The following CNIH3 variants were observed in gnomAD, a reference collection of about 807,000 sequenced individuals.
CNIH3 encodes the protein protein cornichon homolog 3.
In CNIH3, 14 loss-of-function variants were observed where a neutral mutation model predicts 24.1. The ratio of observed to expected loss-of-function variants is 0.58; its 90% CI spans 0.38 to 0.91. CNIH3 has a LOEUF of 0.91. Among genes scored for constraint, CNIH3 ranks in the 40% least tolerant of loss-of-function variants. The probability of loss-of-function intolerance (pLI) is 0.00; values close to 1 mark genes in which losing one functional copy is unlikely to be tolerated. For synonymous variants in CNIH3, 68 were observed against 73.8 expected, an observed-to-expected ratio of 0.92 and a Z score of 0.40; for missense variants, 178 against 196.8, an observed-to-expected ratio of 0.90 and a Z score of 0.57.
intron 3 of CNIH3, among the ~76,000 whole-genome samples, chr1:224,556,800 C>T (rs1012917869): frequency 3.3e-5 from 5 of 152,288 alleles, no homozygotes; most frequent in East Asian, 1.9e-4. Flanking sequence ...CGCCACGGAC[C>T]GGTACCAGTC....
chr1:224,732,833 G>A (rs1300984673), intron 4 of CNIH3, among the ~76,000 whole-genome samples: 1 of 152,172 alleles, frequency 6.6e-6, no homozygotes, highest in East Asian at 1.9e-4. Context: ...TCTCTATGGA[G>A]GAAGGGAGGG....
chr1:224,546,636 A>G (rs1679714807), intron 2 of CNIH3, among the ~76,000 whole-genome samples: 1 of 152,166 alleles, frequency 6.6e-6, no homozygotes, highest in Admixed American at 6.5e-5. Context: ...GCAAATTTAT[A>G]ATCATGGGTC....
upstream of CNIH3, among the ~76,000 whole-genome samples, chr1:224,512,580 A>G (rs575185245): frequency 1.1e-4 from 16 of 152,262 alleles, no homozygotes; most frequent in Middle Eastern, 9.5e-3. Context: ...TTTTACATTT[A>G]ACAATTTTTA....
At chr1:224,537,237 C>T (rs1679322908), downstream of CNIH3, 1 of 152,204 alleles carries the variant, frequency 6.6e-6, no homozygotes. Context: ...AAGTTGATAG[C>T]TGATCTTCAC....
At chr1:224,619,274 A>G (rs9919286) in intron 1 of CNIH3, among the ~76,000 whole-genome samples, 16,417 of 152,250 alleles carry the variant, frequency 0.11, 983 homozygotes, top group South Asian at 0.25. Flanking sequence ...TGACATTTGA[A>G]TGAAAATCAG....
At chr1:224,737,621 C>A (rs1471416518) in intron 5 of CNIH3, among the ~76,000 whole-genome samples, 4 of 152,124 alleles carry the variant, frequency 2.6e-5, no homozygotes, top group African/African-American at 9.7e-5. Flanking sequence ...GTATGCAGAG[C>A]CATGTCTGAA....
intron 1 of CNIH3, among the ~76,000 whole-genome samples, chr1:224,495,058 T>C (rs1677379580): frequency 6.6e-6 from 1 of 152,000 alleles, no homozygotes; most frequent in Non-Finnish European, 1.5e-5. Flanking sequence ...ACACACACAC[T>C]CTCTACCAGT....
intron 1 of CNIH3, among the ~76,000 whole-genome samples, chr1:224,632,242 G>A (rs1314313134): frequency 6.6e-6 from 1 of 152,190 alleles, no homozygotes; most frequent in South Asian, 2.1e-4. Context: ...ACATATCCGG[G>A]CCTCTATGTC....
At position 224,459,881 on chromosome 1, in the gene CNIH3, AT is replaced by A. The variant is rs3065475; in HGVS notation, n.203+25035del. ...GGGTTGTTAGAGTCATGGAACCCCT[AT>A]TTTTTTTTTTTTTTTGACCGGGTCT... On this transcript the variant is annotated intron_variant and non_coding_transcript_variant, in intron 1 of 5. Transcript: ENST00000471578. 3.5e-3 allele frequency among the ~76,000 whole-genome samples: 475 copies of A among 136,104 alleles called. 1 individual carries two copies. The highest frequency in any genetic ancestry group is 0.012 in the African/African-American group (421 of 36,152). The allele number at this position is 136,104 out of a possible 152,430, so 89.3% of individuals were successfully genotyped here. A position where few individuals can be genotyped will look rare whatever the true frequency, so the allele number is the denominator to read the frequency against.
At chr1:224,679,968 C>T (rs1448271793) in intron 1 of CNIH3, among the ~76,000 whole-genome samples, 1 of 151,824 alleles carries the variant, frequency 6.6e-6, no homozygotes, top group African/African-American at 2.4e-5. Flanking sequence ...GCCACTATAC[C>T]CAGCTAATTT....
chr1:224,716,434 T>C (rs568464606), intron 3 of CNIH3, among the ~76,000 whole-genome samples: 11 of 152,294 alleles, frequency 7.2e-5, no homozygotes, highest in African/African-American at 2.6e-4. Context: ...GGACCCAGTA[T>C]ATAATAAATG....
chr1:224,572,069 G>C (rs929538595), intron 4 of CNIH3, among the ~76,000 whole-genome samples: 5 of 152,162 alleles, frequency 3.3e-5, no homozygotes, highest in African/African-American at 1.2e-4. Flanking sequence ...GTCGCCAGGA[G>C]GTGGTTGTAT....
chr1:224,536,978 T>C (rs1679311228), exon 3 of CNIH3: 1 of 152,158 alleles, frequency 6.6e-6, no homozygotes, highest in Admixed American at 6.5e-5. Flanking sequence ...GAGCAAAGGA[T>C]GGTCGCATCT....
chr1:224,494,655 C>T (rs1677362723), intron 1 of CNIH3, among the ~76,000 whole-genome samples: 1 of 152,104 alleles, frequency 6.6e-6, no homozygotes, highest in African/African-American at 2.4e-5. Context: ...GTTCCTTTTG[C>T]AGCCACTTTA....
At chr1:224,702,729 C>G (rs1317111500) in intron 3 of CNIH3, among the ~76,000 whole-genome samples, 1 of 152,222 alleles carries the variant, frequency 6.6e-6, no homozygotes, top group East Asian at 1.9e-4. Flanking sequence ...CAAGGGGGCA[C>G]AGACCGTGGT....
intron 1 of CNIH3, among the ~76,000 whole-genome samples, chr1:224,479,686 G>A (rs1275660418): frequency 1.3e-5 from 2 of 152,246 alleles, no homozygotes; most frequent in African/African-American, 4.8e-5. Context: ...CAGCAGGGCA[G>A]TCAAATCTTA....
chr1:224,606,442 G>C (rs1039778919), intron 3 of CNIH3, among the ~76,000 whole-genome samples: 1 of 152,084 alleles, frequency 6.6e-6, no homozygotes, highest in Admixed American at 6.5e-5. Flanking sequence ...GTTCCCAGTC[G>C]AACTCCTCTC....
chr1:224,548,052 G>A (rs1212920592), intron 3 of CNIH3, among the ~76,000 whole-genome samples: 1 of 151,796 alleles, frequency 6.6e-6, no homozygotes, highest in African/African-American at 2.4e-5. Context: ...TAACATCTCA[G>A]GGAGATACTT....
intron 1 of CNIH3, among the ~76,000 whole-genome samples, chr1:224,504,999 TCCCTCCC>T (rs1677835838): frequency 3.5e-5 from 2 of 57,012 alleles, no homozygotes; most frequent in African/African-American, 1.3e-4. Context: ...TCCCTTTCCC[TCCCTCCC>T]TCCCTCCCTC....
Sources: gnomAD v4.1 joint callset for allele counts (sites outside exome capture counted in the v4.1 genomes callset) on GRCh38, gnomAD v4.1.1 for gene constraint, MANE v1.5 for transcripts, NCBI Gene and HGNC (gene_info 2026-07-23, HGNC 2026-07-21) for gene names.